Variants in PIKFYVE observed in about 807,000 individuals in gnomAD.
The protein encoded by PIKFYVE is phosphoinositide kinase, FYVE-type zinc finger containing, also known as 1-phosphatidylinositol 3-phosphate 5-kinase.
A neutral mutation model predicts 257.9 loss-of-function variants in PIKFYVE; 122 were observed. That is an observed-to-expected ratio of 0.47 (90% CI 0.41 to 0.55). The LOEUF is 0.55. Ranked by LOEUF, PIKFYVE falls within the 20% of genes least tolerant of loss-of-function variation. The pLI is 0.00. For synonymous variants in PIKFYVE, 892 were observed against 868.9 expected (o/e 1.03, Z -0.47); for missense variants, 2,160 against 2,536.6 (o/e 0.85, Z 3.19).
chr2:208,329,449 T>C (rs1697274062), intron 21 of PIKFYVE, among the ~76,000 whole-genome samples: 1 of 152,192 alleles, frequency 6.6e-6, no homozygotes, highest in African/African-American at 2.4e-5. Flanking sequence ...ACTGGCACTT[T>C]AGCAAGAACT....
At position 208,333,327 on chromosome 2, in the gene PIKFYVE, G is replaced by C; in HGVS notation, c.3976G>C (p.Val1326Leu). ...TGCTGAATTCCAGGTAACACCAGTT[G>C]TTGCTCTTTCCAATGAGTCCTGGTC... ...CRICKQVTPV[V>L]ALSNESWSMS... Residue 1326 changes from valine (V) to leucine (L), a missense_variant, in exon 24 of 42, where the codon GTT becomes CTT. Coordinates refer to ENST00000264380, the MANE Select transcript of PIKFYVE (RefSeq NM_015040.4). The C allele has an allele frequency of 6.2e-7, 1 of 1,613,988 alleles. No individual in the cohort carries two copies. Among genetic ancestry groups the C allele is most frequent in the Non-Finnish European group, 8.5e-7 (1 of 1,179,992 alleles).
chr2:208,311,909 A>G (rs1255317382), intron 12 of PIKFYVE, among the ~76,000 whole-genome samples: 1 of 152,240 alleles, frequency 6.6e-6, no homozygotes, highest in Non-Finnish European at 1.5e-5. Context: ...GGATGGTCGT[A>G]CAAGTATCTG....
chr2:208,339,404 G>A lies in PIKFYVE; in HGVS notation c.4673-14G>A, dbSNP rs765484347. ...GTATGTAAATGACTCATTTAAGATT[G>A]TGTTTTTCTTTAGAGGATCGCTTCT... On this transcript the variant is annotated splice_polypyrimidine_tract_variant and intron_variant, in intron 29 of 41. Coordinates refer to ENST00000264380, the MANE Select transcript of PIKFYVE (RefSeq NM_015040.4). 7 of 1,613,802 alleles carry A rather than the reference G, an allele frequency of 4.3e-6. No homozygotes were observed. The South Asian group carries it at 4.4e-5, about 10-fold the overall frequency.
At chr2:208,295,539 G>C (rs574212823) in intron 7 of PIKFYVE, among the ~76,000 whole-genome samples, 79 of 152,248 alleles carry the variant, frequency 5.2e-4, no homozygotes, top group Middle Eastern at 3.4e-3. Context: ...TTGTGAAGAG[G>C]ATAGACCAGT....
rs1319850605 is a variant in PIKFYVE at position 208,335,395 on chromosome 2, A to G, written c.4232A>G (p.Gln1411Arg). 1 of 1,605,088 alleles carries G rather than the reference A, an allele frequency of 6.2e-7. No homozygotes were observed. Among genetic ancestry groups the G allele is most frequent in the Non-Finnish European group, 8.5e-7 (1 of 1,171,974 alleles). ...RQAPLKVSLL[Q>R]DLKDFFQKVS... ...GCCCCATTAAAAGTGTCCCTTCTTCAGGATCTGAAGGACTTCTTTCAAAAG... is the reference window on the plus strand; with the variant it reads ...GCCCCATTAAAAGTGTCCCTTCTTCGGGATCTGAAGGACTTCTTTCAAAAG... The change falls in exon 25 of 42, where the codon CAG becomes CGG. Residue 1411 changes from glutamine (Q) to arginine (R), a missense_variant. Gln to Arg is a conservative substitution (Grantham distance 43, BLOSUM62 1). Around this residue, in one of 12 missense-constraint regions of PIKFYVE, gnomAD observed 699 missense variants for 855.8 expected, o/e 0.82. Transcript: ENST00000264380.
At chr2:208,284,124 C>T (rs1444398696) in intron 5 of PIKFYVE, among the ~76,000 whole-genome samples, 1 of 152,014 alleles carries the variant, frequency 6.6e-6, no homozygotes, top group East Asian at 1.9e-4. Flanking sequence ...TAAAATGTTA[C>T]AGAATCACTC....
chr2:208,305,279 T>C (rs1445073076), intron 12 of PIKFYVE: 2 of 1,325,944 alleles, frequency 1.5e-6, no homozygotes, highest in Admixed American at 3.1e-5. Context: ...CTGACTGCTC[T>C]TCCCATAATG....
chr2:208,328,312 A>T (rs752126790), intron 21 of PIKFYVE, 32 bp downstream of exon 21: 7 of 1,612,800 alleles, frequency 4.3e-6, no homozygotes, highest in South Asian at 1.1e-5. Flanking sequence ...ACTATTCCAC[A>T]TAAGAACAGA....
At chr2:208,354,699 A>G (rs1700050903) in intron 41 of PIKFYVE, 54 bp downstream of exon 41, 2 of 1,411,746 alleles carry the variant, frequency 1.4e-6, no homozygotes, top group Non-Finnish European at 1.0e-6. Flanking sequence ...ATCAGTTAAA[A>G]TTTTAAAAGT....
rs773050312 is a variant in PIKFYVE at position 208,288,806 on chromosome 2, C to G, written c.899C>G (p.Pro300Arg). ...GTGCAAGAGGATGCTGGGAAATCTC[C>G]TGCTCGAAATAGGTAAACTGACAAA... is the stretch of plus-strand genomic sequence containing the variant. Reference protein sequence around the residue: ...VSVQEDAGKSPARNRSASITN... With the variant: ...VSVQEDAGKSRARNRSASITN... Residue 300 changes from proline (P) to arginine (R), a missense_variant, in exon 7 of 42, where the codon CCT becomes CGT. Around this residue, in one of 12 missense-constraint regions of PIKFYVE, gnomAD observed 187 missense variants for 185.6 expected, o/e 1.01. Transcript: ENST00000264380. 1.3e-5 allele frequency: 21 copies of G among 1,614,028 alleles called. No homozygotes were observed. The South Asian group carries it at 2.2e-4, about 17-fold the overall frequency.
chr2:208,282,008 G>T (rs1690879651), intron 5 of PIKFYVE, among the ~76,000 whole-genome samples: 2 of 152,152 alleles, frequency 1.3e-5, no homozygotes, highest in Non-Finnish European at 2.9e-5. Context: ...GAATCCCTAA[G>T]GTTATCCATT....
At chr2:208,338,441 G>T in intron 28 of PIKFYVE, 67 bp from the exon 29 acceptor site, 1 of 1,491,638 alleles carries the variant, frequency 6.7e-7, no homozygotes. Flanking sequence ...AGATTCACTG[G>T]ATTAAAAAAT....
chr2:208,332,787 A>G (rs1238765329), intron 23 of PIKFYVE, among the ~76,000 whole-genome samples: 2 of 152,104 alleles, frequency 1.3e-5, no homozygotes, highest in Non-Finnish European at 2.9e-5. Flanking sequence ...ATATATAAAT[A>G]CATCAAAAAT....
intron 15 of PIKFYVE, 146 bp downstream of exon 15, chr2:208,315,519 C>A: frequency 2.2e-6 from 1 of 451,044 alleles, no homozygotes. Flanking sequence ...GCTTTGTTAG[C>A]AGCGCACTTA....
intron 7 of PIKFYVE, among the ~76,000 whole-genome samples, chr2:208,294,519 T>C (rs1692717453): frequency 6.6e-6 from 1 of 152,120 alleles, no homozygotes; most frequent in Non-Finnish European, 1.5e-5. Flanking sequence ...CTATGGTAAA[T>C]AGGCCTTTAG....
chr2:208,355,403 C>T lies in PIKFYVE; in HGVS notation c.*98C>T, dbSNP rs1574785043. On this transcript the variant is annotated 3_prime_UTR_variant, in exon 42 of 42. Coordinates refer to ENST00000264380, the MANE Select transcript of PIKFYVE (RefSeq NM_015040.4). ...TGTTTTATTTCTTCATCGTGTTCAC[C>T]ACTGTATGCCAAGGCTTTTCAGTTC... is the stretch of plus-strand genomic sequence containing the variant. The T allele has an allele frequency of 3.3e-6, 3 of 907,426 alleles. No homozygotes were observed. The highest frequency in any genetic ancestry group is 1.5e-5 in the South Asian group (1 of 67,998). 56.2% of individuals were successfully genotyped at this position (907,426 alleles called of 1,614,324 possible). A position where few individuals can be genotyped will look rare whatever the true frequency, so the allele number is the denominator to read the frequency against.
chr2:208,336,023 G>T, intron 26 of PIKFYVE, 23 bp from the exon 27 acceptor site: 1 of 1,613,874 alleles, frequency 6.2e-7, no homozygotes. Context: ...TCTGTCTCCT[G>T]AAGTTGTTTC....
chr2:208,324,960 C>T lies in PIKFYVE; in HGVS notation c.2381C>T (p.Ser794Leu). 1 of 1,613,986 alleles carries T rather than the reference C, an allele frequency of 6.2e-7. No homozygotes were observed. The highest frequency in any genetic ancestry group is 8.5e-7 in the Non-Finnish European group (1 of 1,179,928). The change falls in exon 19 of 42, where the codon TCA becomes TTA. Residue 794 changes from serine to leucine, a missense_variant. Around this residue, in one of 12 missense-constraint regions of PIKFYVE, gnomAD observed 346 missense variants for 365.6 expected, o/e 0.95. Transcript: ENST00000264380. ...SRMTQGDLVM[S>L]MDQLLTKPHL... is the part of the protein sequence containing the mutation. ...ATGACCCAAGGTGATTTAGTGATGT[C>T]AATGGACCAGCTGCTTACGAAACCA...
At chr2:208,321,856 C>T (rs1041978076) in intron 17 of PIKFYVE, among the ~76,000 whole-genome samples, 6 of 152,054 alleles carry the variant, frequency 3.9e-5, no homozygotes, top group Admixed American at 6.5e-5. Flanking sequence ...GGATTACAGG[C>T]GTGAGCCACA....
Sources: gnomAD v4.1 joint callset for allele counts (sites outside exome capture counted in the v4.1 genomes callset) on GRCh38, gnomAD v4.1.1 for gene constraint, gnomAD v4.1.1 regional missense constraint, MANE v1.5 for transcripts, NCBI Gene and HGNC (gene_info 2026-07-23, HGNC 2026-07-21) for gene names.